Variants in BSDC1 observed in about 807,000 individuals in gnomAD.
The protein encoded by BSDC1 is BSD domain containing 1.
BSDC1 carries 29 observed loss-of-function variants against 56.0 expected under a neutral mutation model. The observed-to-expected ratio is 0.52, with a 90% CI of 0.39 to 0.71. The LOEUF is 0.71. Among genes scored for constraint, BSDC1 ranks in the 30% least tolerant of loss-of-function variants. BSDC1 has a pLI of 0.00. For missense variants in BSDC1, 477 were observed against 548.5 expected (o/e 0.87, Z 1.30); for synonymous variants, 210 against 215.3 (o/e 0.98, Z 0.21).
Position 32,394,124 on chromosome 1 carries a change from A to G in BSDC1, c.28T>C (p.Trp10Arg). The G allele has an allele frequency of 6.2e-7, 1 of 1,609,616 alleles. No individual in the cohort carries two copies. Among genetic ancestry groups the G allele is most frequent in the East Asian group, 2.2e-5 (1 of 44,638 alleles). MAEGEDVGW[W>R]RSWLQQSYQA... ...TAGCTCTGCTGCAGCCAGCTCCGCC[A>G]CCATCCCACGTCCTCCCTGTGGAAG... Residue 10 changes from tryptophan to arginine, a missense_variant, in exon 2 of 11, where the codon TGG (tryptophan) becomes CGG (arginine). Physicochemically the swap from Trp to Arg is moderately radical, Grantham distance 101. Coordinates refer to ENST00000455895, the MANE Select transcript of BSDC1 (RefSeq NM_018045.8).
Position 32,365,551 on chromosome 1 carries a change from C to T in BSDC1, c.*1071G>A, listed in dbSNP as rs1417031352. ...GGCTCTCCAGAGATTCCTGCAGCCC[C>T]TCATTCCCCCAGAGGTGCAGCTTTA... On this transcript the variant is annotated 3_prime_UTR_variant, in exon 11 of 11. Transcript: ENST00000455895. 2 of 152,720 alleles carry T rather than the reference C, an allele frequency of 1.3e-5. No homozygotes were observed. The highest frequency in any genetic ancestry group is 2.9e-5 in the Non-Finnish European group (2 of 68,124). 9.5% of individuals were successfully genotyped at this position (152,720 alleles called of 1,614,324 possible). A position where few individuals can be genotyped will look rare whatever the true frequency, so the allele number is the denominator to read the frequency against.
In BSDC1 at chr1:32,386,872, C is replaced by G. The variant is rs371506091; in HGVS notation, c.96G>C (p.Met32Ile). The G allele has an allele frequency of 1.2e-5, 19 of 1,612,152 alleles. No homozygotes were observed. Among genetic ancestry groups the G allele is most frequent in the Non-Finnish European group, 1.6e-5 (19 of 1,180,036 alleles). Reference protein sequence around the residue: ...KEKSSEALEFMKRDLTEFTQV... With the variant: ...KEKSSEALEFIKRDLTEFTQV... The stretch of plus-strand genomic sequence containing the variant: ...GGGTAAACTCCGTCAGGTCCCGCTT[C>G]ATAAACTCCAAGGCTTCAGAGGACT... Residue 32 changes from methionine to isoleucine, a missense_variant, in exon 3 of 11, where the codon ATG becomes ATC. Met to Ile is a conservative substitution (Grantham distance 10, BLOSUM62 1). Transcript: ENST00000455895.
intron 2 of BSDC1, among the ~76,000 whole-genome samples, chr1:32,391,402 G>A (rs1267189070): frequency 1.3e-5 from 2 of 152,148 alleles, no homozygotes; most frequent in African/African-American, 4.8e-5. Context: ...CTGAATAGGG[G>A]ACCCCAGGGA....
chr1:32,390,062 TA>T (rs1467387481), intron 2 of BSDC1, among the ~76,000 whole-genome samples: 25 of 150,824 alleles, frequency 1.7e-4, no homozygotes, highest in Admixed American at 1.6e-3. Context: ...CTGATGGACA[TA>T]AAATGTGAAG....
chr1:32,367,097 A>G, intron 10 of BSDC1: 3 of 987,776 alleles, frequency 3.0e-6, no homozygotes, highest in Non-Finnish European at 3.6e-6. Flanking sequence ...CTTTGGGTGA[A>G]TGGAGGCCAC....
chr1:32,368,610 G>A lies in BSDC1; in HGVS notation c.1157-60C>T, dbSNP rs1198011139. On this transcript the variant is annotated intron_variant, in intron 9 of 10. Transcript: ENST00000455895. ...GAGGCAGGGAAGGGGCACCTGAAGA[G>A]GGTGTAGCTGGGGAGATAGCATGCT... 3.8e-5 allele frequency: 61 copies of A among 1,605,496 alleles called. 4 individuals are homozygous for A. The Admixed American group carries it at 9.4e-4, about 25-fold the overall frequency.
chr1:32,394,291 C>T (rs1309499919), intron 1 of BSDC1, 113 bp downstream of exon 1: 4 of 1,578,368 alleles, frequency 2.5e-6, no homozygotes, highest in Admixed American at 1.7e-5. Context: ...TCTGCCCTTT[C>T]AGATCAGTCC....
chr1:32,382,226 C>CAA (rs577563299), intron 4 of BSDC1, among the ~76,000 whole-genome samples: 17 of 60,130 alleles, frequency 2.8e-4, no homozygotes, highest in African/African-American at 5.4e-4. Flanking sequence ...GACTCCATCT[C>CAA]AAAAAAAAAA....
chr1:32,386,785 C>G lies in BSDC1; in HGVS notation c.183G>C (p.Lys61Asn), dbSNP rs1182092118. 6.2e-7 allele frequency: 1 copy of G among 1,612,876 alleles called. No individual in the cohort carries two copies. The highest frequency in any genetic ancestry group is 1.3e-5 in the African/African-American group (1 of 74,884). The change falls in exon 3 of 11, where the codon AAG becomes AAC. Residue 61 changes from lysine to asparagine, a missense_variant. Lys to Asn is a moderately conservative substitution (Grantham distance 94, BLOSUM62 0). Transcript: ENST00000455895. Reference protein sequence around the residue: ...IAATASVVKEKLATEGSSGAT... With the variant: ...IAATASVVKENLATEGSSGAT... ...GGGTTTGGGTGGTACTCACAGCCAG[C>G]TTCTCCTTGACCACGCTGGCCGTGG...
At chr1:32,370,013 T>A (rs939516488) in intron 9 of BSDC1, among the ~76,000 whole-genome samples, 5 of 152,256 alleles carry the variant, frequency 3.3e-5, no homozygotes, top group Admixed American at 1.3e-4. Flanking sequence ...AGTCTCGCTC[T>A]GTTGCCCAGG....
chr1:32,382,720 G>GT (rs1178123162), intron 4 of BSDC1, among the ~76,000 whole-genome samples: 2 of 149,968 alleles, frequency 1.3e-5, no homozygotes, highest in Non-Finnish European at 3.0e-5. Flanking sequence ...AAAAGGCCAG[G>GT]TGTGGTGGTG....
In BSDC1 at chr1:32,376,333, G is replaced by C; in HGVS notation, c.1085C>G (p.Pro362Arg). The C allele has an allele frequency of 6.2e-7, 1 of 1,606,382 alleles. No individual in the cohort carries two copies. The highest frequency in any genetic ancestry group is 1.1e-5 in the South Asian group (1 of 90,662). ...ARVETLREEA[P>R]TDLRVFELNS... ...CAGCTCAAACACCCGTAAGTCTGTG[G>C]GCGCCTCCTCCCTCAGAGTCTCTAC... The change falls in exon 9 of 11, where the codon CCC (proline) becomes CGC (arginine). Residue 362 changes from proline (P) to arginine (R), a missense_variant. Physicochemically the swap from Pro to Arg is moderately radical, Grantham distance 103 (BLOSUM62 -2). Coordinates refer to ENST00000455895, the MANE Select transcript of BSDC1 (RefSeq NM_018045.8).
At chr1:32,366,691 A>G (rs2273376) in intron 10 of BSDC1, 37 bp from the exon 11 acceptor site, 49,215 of 1,456,308 alleles carry the variant, frequency 0.034, 927 homozygotes, top group South Asian at 0.055. Context: ...TCACAAACAC[A>G]TAGTTACTCC....
At chr1:32,380,370 C>G (rs1337853788) in intron 5 of BSDC1, among the ~76,000 whole-genome samples, 1 of 152,200 alleles carries the variant, frequency 6.6e-6, no homozygotes, top group East Asian at 1.9e-4. Flanking sequence ...TCCGTCCAGG[C>G]ACGGTGGCTC....
At chr1:32,394,230 G>A (rs1256529863) in intron 1 of BSDC1, 90 bp from the exon 2 acceptor site, 6 of 1,566,690 alleles carry the variant, frequency 3.8e-6, no homozygotes, top group East Asian at 2.3e-5. Flanking sequence ...TGTACCCTGC[G>A]GGCCGAGGCT....
intron 2 of BSDC1, 92 bp downstream of exon 2, chr1:32,393,988 G>A (rs147893817): frequency 3.8e-6 from 5 of 1,332,488 alleles, no homozygotes; most frequent in Non-Finnish European, 5.2e-6. Flanking sequence ...GAGACTTAGC[G>A]CCCGCAAAAG....
At chr1:32,367,201 G>C in intron 10 of BSDC1, 1 of 985,562 alleles carries the variant, frequency 1.0e-6, no homozygotes, top group South Asian at 4.7e-5. Context: ...CTAATTCCCA[G>C]CTCAAGTCTC....
chr1:32,382,331 T>G (rs1347579996), intron 4 of BSDC1, among the ~76,000 whole-genome samples: 1 of 150,214 alleles, frequency 6.7e-6, no homozygotes, highest in Non-Finnish European at 1.5e-5. Context: ...TAGCTGAGCG[T>G]GGTGATGTGT....
intron 2 of BSDC1, among the ~76,000 whole-genome samples, chr1:32,389,514 C>T (rs1371370420): frequency 1.3e-5 from 2 of 152,198 alleles, no homozygotes; most frequent in African/African-American, 4.8e-5. Context: ...TCAAGCAGGT[C>T]ACAGTCTACT....
Sources: allele counts gnomAD v4.1 joint callset (sites outside exome capture counted in the v4.1 genomes callset), GRCh38; gene constraint gnomAD v4.1.1; transcripts MANE v1.5; gene names NCBI Gene and HGNC (gene_info 2026-07-23, HGNC 2026-07-21).